Variants in ZFPM1 observed in about 807,000 individuals in gnomAD.
ZFPM1 encodes zinc finger protein ZFPM1.
A neutral mutation model predicts 46.3 loss-of-function variants in ZFPM1; 28 were observed. The ratio of observed to expected loss-of-function variants is 0.60; its 90% CI spans 0.45 to 0.83. The LOEUF (loss-of-function observed/expected upper bound fraction) is 0.83, where lower values mean the gene tolerates loss of function less well. Ranked by LOEUF, ZFPM1 falls within the 40% of genes least tolerant of loss-of-function variation. The pLI is 0.00. For missense variants in ZFPM1, 1,878 were observed against 1,432.4 expected (o/e 1.31, Z -5.02); for synonymous variants, 957 against 675.9 (o/e 1.42, Z -6.45).
At chr16:88,456,929 G>T (rs561808033) in intron 1 of ZFPM1, among the ~76,000 whole-genome samples, 8 of 152,210 alleles carry the variant, frequency 5.3e-5, no homozygotes, top group Non-Finnish European at 1.0e-4. Flanking sequence ...TCCGGAAGGA[G>T]CCGGGGAGGG....
At chr16:88,528,519 C>A (rs547826277) in intron 6 of ZFPM1, among the ~76,000 whole-genome samples, 43 of 152,358 alleles carry the variant, frequency 2.8e-4, no homozygotes, top group Admixed American at 1.8e-3. Flanking sequence ...ACACTAGAAG[C>A]CAGTGCTTTC....
At chr16:88,518,706 CGGATGGATGGAT>C (rs201394717) in intron 4 of ZFPM1, among the ~76,000 whole-genome samples, 18 of 101,412 alleles carry the variant, frequency 1.8e-4, no homozygotes, top group Admixed American at 6.3e-4. Context: ...GATTGATGGA[CGGATGGATGGAT>C]GGATGGATGG....
intron 4 of ZFPM1, among the ~76,000 whole-genome samples, chr16:88,523,275 A>T (rs1912045183): frequency 6.6e-6 from 1 of 152,036 alleles, no homozygotes; most frequent in African/African-American, 2.4e-5. Flanking sequence ...CAGGGTCAGG[A>T]AGGGCCTGCA....
chr16:88,486,151 A>C, intron 2 of ZFPM1, 108 bp downstream of exon 2: 1 of 1,146,954 alleles, frequency 8.7e-7, no homozygotes, highest in Non-Finnish European at 1.2e-6. Flanking sequence ...GGCCAACTAT[A>C]TGCAGGAGTC....
Position 88,453,960 on chromosome 16 carries a change from C to A in ZFPM1, c.40+282C>A, listed in dbSNP as rs549182699. On this transcript the variant is annotated intron_variant, in intron 1 of 9. Coordinates refer to ENST00000319555, the MANE Select transcript of ZFPM1 (RefSeq NM_153813.3). The stretch of plus-strand genomic sequence containing the variant: ...GCGCGGCCCGGGCAGCTCGGCCCCT[C>A]GCGGCCTGCCCCTCCCCCGCATCTG... Among the ~76,000 whole-genome samples the A allele has an allele frequency of 2.5e-3, 378 of 152,280 alleles. 1 individual carries two copies. The highest frequency in any genetic ancestry group is 0.013 in the South Asian group (61 of 4,832).
Position 88,532,876 on chromosome 16 carries a change from G to C in ZFPM1, c.1130G>C (p.Gly377Ala). 1.9e-6 allele frequency: 3 copies of C among 1,613,358 alleles called. No homozygotes were observed. Among genetic ancestry groups the C allele is most frequent in the Non-Finnish European group, 2.5e-6 (3 of 1,179,950 alleles). Residue 377 changes from glycine to alanine, a missense_variant, in exon 9 of 10, where the codon GGC (glycine) becomes GCC (alanine). Gly to Ala is a moderately conservative substitution (Grantham distance 60). Coordinates refer to ENST00000319555, the MANE Select transcript of ZFPM1 (RefSeq NM_153813.3). ...LVTNHMVCQPGSKGEIYSPGA... is the reference protein window; with the variant it reads ...LVTNHMVCQPASKGEIYSPGA... ...ACCAACCACATGGTCTGCCAGCCTG[G>C]CTCCAAGGGTGAGATCTACTCGCCA...
In ZFPM1 at chr16:88,486,003, A is replaced by G. The variant is rs149933913; in HGVS notation, c.105A>G (p.Gln35=). 1.9e-5 allele frequency: 30 copies of G among 1,612,760 alleles called. No individual in the cohort carries two copies. The highest frequency in any genetic ancestry group is 1.6e-4 in the Middle Eastern group (1 of 6,080). Residue 35 remains glutamine, a synonymous_variant, in exon 2 of 10, where the codon CAA becomes CAG. Coordinates refer to ENST00000319555, the MANE Select transcript of ZFPM1 (RefSeq NM_153813.3). Reference sequence around the variant, plus strand: ...TGGTGGGTGCCAGCCACATGGAGCAAAAGGCCACGGCACCTGAAGCCCCGA... The same window carrying G: ...TGGTGGGTGCCAGCCACATGGAGCAGAAGGCCACGGCACCTGAAGCCCCGA... ...VQLVGASHME[Q]KATAPEAPSP... is the part of the protein sequence containing the mutation.
chr16:88,522,862 A>G (rs548511071), intron 4 of ZFPM1, among the ~76,000 whole-genome samples: 169 of 152,300 alleles, frequency 1.1e-3, no homozygotes, highest in Non-Finnish European at 1.7e-3. Context: ...CGCAGCACCC[A>G]CATCTCTGAG....
chr16:88,484,365 G>C (rs1909101996), intron 1 of ZFPM1, among the ~76,000 whole-genome samples: 1 of 152,226 alleles, frequency 6.6e-6, no homozygotes, highest in Admixed American at 6.5e-5. Context: ...GGAGGTGGTT[G>C]TTCCAGCCTG....
chr16:88,525,943 A>G (rs746417628), intron 4 of ZFPM1, among the ~76,000 whole-genome samples: 3 of 152,234 alleles, frequency 2.0e-5, no homozygotes, highest in Non-Finnish European at 2.9e-5. Context: ...CGCCGACAGC[A>G]TGGCATGGCC....
At chr16:88,516,282 C>T (rs1449585636) in intron 4 of ZFPM1, 18 of 398,272 alleles carry the variant, frequency 4.5e-5, no homozygotes, top group Non-Finnish European at 4.4e-5. Context: ...CCACGGGCTG[C>T]CCTTTGCCCT....
chr16:88,510,157 C>T (rs1305294841), intron 3 of ZFPM1, among the ~76,000 whole-genome samples: 4 of 152,174 alleles, frequency 2.6e-5, no homozygotes, highest in Non-Finnish European at 5.9e-5. Context: ...CATGCTGGCA[C>T]CCCCTTCTCC....
chr16:88,453,627 G>A lies in ZFPM1; in HGVS notation c.-12G>A. The A allele has an allele frequency of 8.9e-7, 1 of 1,120,748 alleles. No homozygotes were observed. The highest frequency in any genetic ancestry group is 1.1e-6 in the Non-Finnish European group (1 of 904,468). The allele number at this position is 1,120,748 out of a possible 1,614,324, so 69.4% of individuals were successfully genotyped here. A position where few individuals can be genotyped will look rare whatever the true frequency, so the allele number is the denominator to read the frequency against. On this transcript the variant is annotated 5_prime_UTR_variant, in exon 1 of 10. Coordinates refer to ENST00000319555, the MANE Select transcript of ZFPM1 (RefSeq NM_153813.3). ...AGAGGCGGCCGCCGGGAGGGCGCGC[G>A]GCGCCGGAGACATGTCCAGGCGGAA...
intron 3 of ZFPM1, among the ~76,000 whole-genome samples, chr16:88,500,729 C>G (rs934832659): frequency 4.5e-4 from 69 of 152,312 alleles, no homozygotes; most frequent in African/African-American, 8.9e-4. Flanking sequence ...GCTCAGGGTC[C>G]TCATCTGTGA....
At chr16:88,510,463 T>C (rs1015567220) in intron 3 of ZFPM1, among the ~76,000 whole-genome samples, 27 of 152,234 alleles carry the variant, frequency 1.8e-4, no homozygotes, top group Non-Finnish European at 1.2e-4. Flanking sequence ...ATCATATAAA[T>C]ATGCAATGGC....
At position 88,498,579 on chromosome 16, in the gene ZFPM1, C is replaced by G. The variant is rs377130950; in HGVS notation, c.268+9426C>G. On this transcript the variant is annotated intron_variant, in intron 3 of 9. Transcript: ENST00000319555. ...CCCCAAATCATGACGAGGTAGGAAC[C>G]CCACATGTCCGAGGGGCAGGCAGAG... 2.7e-4 allele frequency among the ~76,000 whole-genome samples: 41 copies of G among 152,318 alleles called. No individual in the cohort carries two copies. In the East Asian group the frequency reaches 7.5e-3, roughly 28 times the overall value.
rs756316687 is a variant in ZFPM1, at chr16:88,526,790, C to T, written c.403-24C>T. On this transcript the variant is annotated intron_variant, in intron 4 of 9. Coordinates refer to ENST00000319555, the MANE Select transcript of ZFPM1 (RefSeq NM_153813.3). ...CAGGCTGCTGACGGACCCCTCCCCA[C>T]GTGTTCCTACCCTCCCCCCCCAGAG... 2.9e-5 allele frequency: 43 copies of T among 1,498,766 alleles called. No individual in the cohort carries two copies. The East Asian group carries it at 3.1e-4, about 11-fold the overall frequency. 92.8% of individuals were successfully genotyped at this position (1,498,766 alleles called of 1,614,324 possible).
chr16:88,463,703 AGAG>A (rs1469398099), intron 1 of ZFPM1, among the ~76,000 whole-genome samples: 2 of 152,220 alleles, frequency 1.3e-5, no homozygotes, highest in Non-Finnish European at 2.9e-5. Context: ...GGAGGGAACG[AGAG>A]GAGGGCAGCA....
chr16:88,532,185 A>G lies in ZFPM1; in HGVS notation c.896A>G (p.Lys299Arg), dbSNP rs1341532986. ...ERVCPFPQCR[K>R]SCPSASSLEI... ...GTCTGCCCCTTCCCCCAGTGCCGCA[A>G]GAGCTGCCCCAGCGCCAGCTCCCTG... Residue 299 changes from lysine to arginine, a missense_variant, in exon 7 of 10, where the codon AAG becomes AGG. By Grantham distance (26) the Lys-to-Arg change is conservative (BLOSUM62 2). Coordinates refer to ENST00000319555, the MANE Select transcript of ZFPM1 (RefSeq NM_153813.3). 1 of 1,610,914 alleles carries G rather than the reference A, an allele frequency of 6.2e-7. No individual in the cohort carries two copies. The highest frequency in any genetic ancestry group is 1.1e-5 in the South Asian group (1 of 90,994).
Sources: gnomAD v4.1 joint callset for allele counts (sites outside exome capture counted in the v4.1 genomes callset) on GRCh38, gnomAD v4.1.1 for gene constraint, MANE v1.5 for transcripts, NCBI Gene and HGNC (gene_info 2026-07-23, HGNC 2026-07-21) for gene names.